MICA: variants seen among roughly 807,000 people sequenced by gnomAD.
The protein encoded by MICA is HLA class I antigen.
A neutral mutation model predicts 34.3 loss-of-function variants in MICA; 18 were observed. The ratio of observed to expected loss-of-function variants is 0.52; its 90% CI spans 0.36 to 0.78. MICA has a LOEUF of 0.78. MICA is among the 30% of genes least tolerant of loss of function. MICA has a pLI of 0.00. For missense variants in MICA, 333 were observed against 409.4 expected (o/e 0.81, Z 1.61); for synonymous variants, 135 against 156.9 (o/e 0.86, Z 1.04).
upstream of MICA, chr6:31,403,516 C>G: frequency 1.3e-6 from 1 of 790,392 alleles, no homozygotes; most frequent in Non-Finnish European, 1.9e-6. The surrounding 1 kb of genome is among the most constrained non-coding windows in gnomAD (Gnocchi z 4.7). Flanking sequence ...GCCCTAAGTT[C>G]CGGGCCCCAG....
upstream of MICA, among the ~76,000 whole-genome samples, chr6:31,401,298 A>G (rs1247465584): frequency 2.0e-5 from 3 of 151,916 alleles, no homozygotes; most frequent in Admixed American, 6.6e-5. Flanking sequence ...AAAATAAATT[A>G]TCAGTGAATG....
rs1063635 is a variant in MICA at position 31,412,154 on chromosome 6, G to A, written c.821G>A (p.Arg274Gln). The change falls in exon 4 of 6, where the codon CGA becomes CAA. Residue 274 changes from arginine (R) to glutamine (Q), a missense_variant. Arg to Gln is a conservative substitution (Grantham distance 43). Coordinates refer to ENST00000449934, the MANE Select transcript of MICA (RefSeq NM_001177519.3). ...ACCTGGGTGGCCACCAGGATTTGCC[G>A]AGGAGAGGAGCAGAGGTTCACCTGC... ...YQTWVATRIC[R>Q]GEEQRFTCYM... 734,886 of 1,609,398 alleles carry A rather than the reference G, an allele frequency of 0.46. 177,281 individuals are homozygous for A. Among genetic ancestry groups the A allele is most frequent in the African/African-American group, 0.7 (52,312 of 74,590 alleles).
chr6:31,401,491 T>C (rs969764521), upstream of MICA, among the ~76,000 whole-genome samples: 1 of 151,448 alleles, frequency 6.6e-6, no homozygotes, highest in African/African-American at 2.4e-5. Context: ...GGAGGGTTCA[T>C]AGGGTAGAAG....
upstream of MICA, among the ~76,000 whole-genome samples, chr6:31,402,510 G>A (rs906701653): frequency 6.6e-5 from 10 of 151,900 alleles, no homozygotes; most frequent in African/African-American, 2.2e-4. Context: ...ATGGGGCGCT[G>A]TGGGTGGCTT....
chr6:31,403,646 C>T lies in MICA; in HGVS notation c.14C>T (p.Pro5Leu), dbSNP rs752875849. MGLG[P>L]VFLLLAGIFP... ...GACGTCGGGGCCATGGGGCTGGGCC[C>T]GGTCTTTCTGCTTCTGGCTGGCATC... The change falls in exon 1 of 6, where the codon CCG becomes CTG. Residue 5 changes from proline (P) to leucine (L), a missense_variant. Physicochemically the swap from Pro to Leu is moderately conservative, Grantham distance 98. Coordinates refer to ENST00000449934, the MANE Select transcript of MICA (RefSeq NM_001177519.3). This position sits in a 1 kb window ranked among gnomAD's most constrained non-coding sequence, Gnocchi z 4.7. 6.5e-7 allele frequency: 1 copy of T among 1,529,074 alleles called. No homozygotes were observed. The highest frequency in any genetic ancestry group is 8.8e-7 in the Non-Finnish European group (1 of 1,138,670). The allele number at this position is 1,529,074 out of a possible 1,614,324, so 94.7% of individuals were successfully genotyped here.
At chr6:31,413,385 C>T (rs2857283) in intron 5 of MICA, among the ~76,000 whole-genome samples, 25,428 of 151,802 alleles carry the variant, frequency 0.17, 2,578 homozygotes, top group South Asian at 0.26. Flanking sequence ...TCACCTTGCC[C>T]TCCCTGAGCC....
In MICA at chr6:31,413,071, C is replaced by T. The variant is rs184993412; in HGVS notation, c.*29+611C>T. On this transcript the variant is annotated intron_variant, in intron 5 of 5. Transcript: ENST00000449934. Reference sequence around the variant, plus strand: ...CTGAGCACACATGGCCATCTCTGTCCACTTTGCAGCTCCCCATGCACCTCC... The same window carrying T: ...CTGAGCACACATGGCCATCTCTGTCTACTTTGCAGCTCCCCATGCACCTCC... Among the ~76,000 whole-genome samples, 148 of 151,984 alleles carry T rather than the reference C, an allele frequency of 9.7e-4. 1 individual carries two copies. The highest frequency in any genetic ancestry group is 3.4e-3 in the African/African-American group (142 of 41,382).
At position 31,412,194 on chromosome 6, in the gene MICA, C is replaced by A; in HGVS notation, c.861C>A (p.Ser287Arg). ...GGTTCACCTGCTACATGGAACACAGCGGGAATCACAGCACTCACCCTGTGC... is the reference window on the plus strand; with the variant it reads ...GGTTCACCTGCTACATGGAACACAGAGGGAATCACAGCACTCACCCTGTGC... ...EQRFTCYMEHSGNHSTHPVPS... is the reference protein window; with the variant it reads ...EQRFTCYMEHRGNHSTHPVPS... The change falls in exon 4 of 6, where the codon AGC becomes AGA. Residue 287 changes from serine (S) to arginine (R), a missense_variant. By Grantham distance (110) the Ser-to-Arg change is moderately radical (BLOSUM62 -1). Coordinates refer to ENST00000449934, the MANE Select transcript of MICA (RefSeq NM_001177519.3). 3.1e-6 allele frequency: 5 copies of A among 1,611,390 alleles called. No homozygotes were observed. Among genetic ancestry groups the A allele is most frequent in the Non-Finnish European group, 3.4e-6 (4 of 1,179,210 alleles).
intron 1 of MICA, among the ~76,000 whole-genome samples, chr6:31,409,309 C>CTGTGTGTGTGTGTGTGTGTG (rs35508435): frequency 0.011 from 1,606 of 149,654 alleles, 21 homozygotes; most frequent in Middle Eastern, 0.032. Context: ...CAACCTTGCT[C>CTGTGTGTGTGTGTGTGTGTG]TGTGTGTGTG....
At chr6:31,408,086 C>G (rs1396992905) in intron 1 of MICA, among the ~76,000 whole-genome samples, 1 of 151,872 alleles carries the variant, frequency 6.6e-6, no homozygotes, top group Admixed American at 6.6e-5. Flanking sequence ...AATGCTTTTT[C>G]AGTATCAATT....
chr6:31,404,620 C>G (rs1770648297), intron 1 of MICA, among the ~76,000 whole-genome samples: 1 of 151,924 alleles, frequency 6.6e-6, no homozygotes, highest in Non-Finnish European at 1.5e-5. Flanking sequence ...CCTCCCCGTT[C>G]CCAAATGTCC....
At position 31,411,391 on chromosome 6, in the gene MICA, C is replaced by A. The variant is rs3828875; in HGVS notation, c.613+32C>A. On this transcript the variant is annotated intron_variant, in intron 3 of 5. Transcript: ENST00000449934. This position sits in a 1 kb window ranked among gnomAD's most constrained non-coding sequence, Gnocchi z 4.3. ...ACGCTGGCCAGGGGCTCTCCTCTCC[C>A]TCCAATTCTGCTAGAGTTGCCTCAC... is the stretch of plus-strand genomic sequence containing the variant. The A allele has an allele frequency of 6.5e-7, 1 of 1,527,734 alleles. No individual in the cohort carries two copies. The highest frequency in any genetic ancestry group is 8.8e-7 in the Non-Finnish European group (1 of 1,134,988). The allele number at this position is 1,527,734 out of a possible 1,614,324, so 94.6% of individuals were successfully genotyped here. A position where few individuals can be genotyped will look rare whatever the true frequency, so the allele number is the denominator to read the frequency against.
chr6:31,410,198 A>G (rs28436034), intron 1 of MICA, among the ~76,000 whole-genome samples: 31,909 of 145,320 alleles, frequency 0.22, 4,007 homozygotes, highest in East Asian at 0.44. Flanking sequence ...CATTCCCACC[A>G]TCCCCTCTGG....
chr6:31,403,577 G>A (rs1770562344), upstream of MICA: 1 of 1,401,164 alleles, frequency 7.1e-7, no homozygotes, highest in Non-Finnish European at 9.4e-7. This position sits in a 1 kb window ranked among gnomAD's most constrained non-coding sequence, Gnocchi z 4.7. Context: ...AAGTTTCCGC[G>A]GCGCCTTCTC....
At position 31,403,765 on chromosome 6, in the gene MICA, G is replaced by A. The variant is rs922337293; in HGVS notation, c.70+63G>A. 2.0e-6 allele frequency: 3 copies of A among 1,468,876 alleles called. No individual in the cohort carries two copies. Among genetic ancestry groups the A allele is most frequent in the Non-Finnish European group, 2.7e-6 (3 of 1,097,078 alleles). 91.0% of individuals were successfully genotyped at this position (1,468,876 alleles called of 1,614,324 possible). ...GCAGTGGGACGTTTCCGGGGGTCGG[G>A]TGGGTAGCGGCGAGCGCTGTGCGGT... On this transcript the variant is annotated intron_variant, in intron 1 of 5. Coordinates refer to ENST00000449934, the MANE Select transcript of MICA (RefSeq NM_001177519.3). The surrounding 1 kb of genome is among the most constrained non-coding windows in gnomAD (Gnocchi z 4.7).
At chr6:31,403,432 TA>T, upstream of MICA, 1 of 505,802 alleles carries the variant, frequency 2.0e-6, no homozygotes, top group Non-Finnish European at 3.4e-6. This position sits in a 1 kb window ranked among gnomAD's most constrained non-coding sequence, Gnocchi z 4.7. Flanking sequence ...TCCCGCCTTC[TA>T]AATCTCCCCA....
chr6:31,405,385 C>T (rs2113727285), intron 1 of MICA, among the ~76,000 whole-genome samples: 1 of 150,982 alleles, frequency 6.6e-6, no homozygotes, highest in African/African-American at 2.4e-5. Context: ...TCTCTCTGGC[C>T]AGCACCCCCA....
At chr6:31,410,826 G>T in intron 2 of MICA, 29 bp downstream of exon 2, 1 of 1,543,388 alleles carries the variant, frequency 6.5e-7, no homozygotes, top group Non-Finnish European at 8.7e-7. Flanking sequence ...AAGAGTGACT[G>T]GAGAGGCCTT....
intron 2 of MICA, 122 bp downstream of exon 2, chr6:31,410,919 C>G: frequency 6.8e-7 from 1 of 1,467,080 alleles, no homozygotes; most frequent in Admixed American, 2.5e-5. Context: ...GAATGGGGGT[C>G]AGTGGAACTC....
Sources: allele counts gnomAD v4.1 joint callset (sites outside exome capture counted in the v4.1 genomes callset), GRCh38; gene constraint gnomAD v4.1.1; non-coding constraint Gnocchi (gnomAD v3.1); transcripts MANE v1.5; gene names NCBI Gene and HGNC (gene_info 2026-07-23, HGNC 2026-07-21).